NEK7: variants seen among roughly 807,000 people sequenced by gnomAD.
NEK7 encodes NIMA related kinase 7.
Under a neutral mutation model 44.6 loss-of-function variants are expected in NEK7, and 18 were observed. The ratio of observed to expected loss-of-function variants is 0.40; its 90% CI spans 0.28 to 0.60. The LOEUF (loss-of-function observed/expected upper bound fraction) is 0.60. Ranked by LOEUF, NEK7 falls within the 20% of genes least tolerant of loss-of-function variation. NEK7 has a pLI of 0.38. For missense variants in NEK7, 256 were observed against 366.5 expected, an observed-to-expected ratio of 0.70 and a Z score of 2.46; for synonymous variants, 130 against 121.1, an observed-to-expected ratio of 1.07 and a Z score of -0.48.
intron 1 of NEK7, among the ~76,000 whole-genome samples, chr1:198,185,188 CTA>C (rs77570529): frequency 8.8e-6 from 1 of 113,218 alleles, no homozygotes; most frequent in Admixed American, 9.1e-5. Context: ...TACATGCTGT[CTA>C]TTTTTTTTTT....
At chr1:198,186,719 G>C (rs1664936763) in intron 1 of NEK7, among the ~76,000 whole-genome samples, 2 of 152,144 alleles carry the variant, frequency 1.3e-5, no homozygotes, top group Admixed American at 1.3e-4. Flanking sequence ...GCTGTCAGGT[G>C]CTGAGGAAAA....
intron 1 of NEK7, among the ~76,000 whole-genome samples, chr1:198,184,479 A>G (rs553458866): frequency 6.6e-6 from 1 of 152,312 alleles, no homozygotes; most frequent in East Asian, 1.9e-4. Context: ...ACATATTCAT[A>G]TAACTTTCAT....
At chr1:198,276,673 C>T (rs1452264605) in intron 5 of NEK7, among the ~76,000 whole-genome samples, 1 of 151,644 alleles carries the variant, frequency 6.6e-6, no homozygotes, top group African/African-American at 2.4e-5. Flanking sequence ...GATATAATAA[C>T]TATTGAAATT....
Position 198,207,716 on chromosome 1 carries a change from T to C in NEK7, c.-28-24837T>C, listed in dbSNP as rs140103186. On this transcript the variant is annotated intron_variant, in intron 1 of 9. Coordinates refer to ENST00000367385, the MANE Select transcript of NEK7 (RefSeq NM_133494.3). ...ACTGAAAGGACACAGGGGACTTGTA[T>C]GGGCTGATGGAACTGTTCTATATTT... is the stretch of plus-strand genomic sequence containing the variant. 4.4e-3 allele frequency among the ~76,000 whole-genome samples: 663 copies of C among 152,302 alleles called. 5 individuals are homozygous for C. Among genetic ancestry groups the C allele is most frequent in the African/African-American group, 0.015 (643 of 41,588 alleles).
chr1:198,200,651 A>G (rs1485175848), intron 1 of NEK7, among the ~76,000 whole-genome samples: 3 of 151,736 alleles, frequency 2.0e-5, no homozygotes, highest in Admixed American at 1.3e-4. Flanking sequence ...CCTGGCTTCA[A>G]GTGATTCTCC....
intron 2 of NEK7, among the ~76,000 whole-genome samples, chr1:198,251,712 G>T (rs575603901): frequency 6.6e-6 from 1 of 151,404 alleles, no homozygotes; most frequent in African/African-American, 2.4e-5. Context: ...CTGTGGGATC[G>T]GTGGTGATAT....
intron 3 of NEK7, among the ~76,000 whole-genome samples, chr1:198,258,852 A>G (rs927194508): frequency 4.6e-5 from 7 of 152,166 alleles, no homozygotes; most frequent in African/African-American, 1.4e-4. Flanking sequence ...ATATTCTTAC[A>G]AAGTCCATAT....
At chr1:198,165,508 A>G (rs1039573801) in intron 1 of NEK7, among the ~76,000 whole-genome samples, 10 of 152,212 alleles carry the variant, frequency 6.6e-5, no homozygotes, top group African/African-American at 2.2e-4. Flanking sequence ...GTTGGTGACT[A>G]GGTACATTGT....
chr1:198,157,869 T>C (rs928333968), intron 1 of NEK7, among the ~76,000 whole-genome samples: 2 of 151,658 alleles, frequency 1.3e-5, no homozygotes, highest in Non-Finnish European at 2.9e-5. Context: ...GAGAGAGGGA[T>C]TGCGAGGCAA....
At chr1:198,244,036 G>A (rs1666763444) in intron 2 of NEK7, among the ~76,000 whole-genome samples, 1 of 151,924 alleles carries the variant, frequency 6.6e-6, no homozygotes, top group Non-Finnish European at 1.5e-5. Context: ...AAAGATAATA[G>A]CATGAGCTTT....
intron 7 of NEK7, among the ~76,000 whole-genome samples, chr1:198,283,413 G>T (rs1654271762): frequency 6.6e-6 from 1 of 152,012 alleles, no homozygotes; most frequent in Admixed American, 6.6e-5. Flanking sequence ...GAACTCATTA[G>T]CCCATAGAGC....
intron 1 of NEK7, among the ~76,000 whole-genome samples, chr1:198,180,232 G>C (rs1028477276): frequency 2.0e-5 from 3 of 151,056 alleles, no homozygotes; most frequent in Non-Finnish European, 4.4e-5. Context: ...TAAGCATTCA[G>C]TTTGTACTAA....
chr1:198,200,791 T>A (rs1202155131), intron 1 of NEK7, among the ~76,000 whole-genome samples: 1 of 152,212 alleles, frequency 6.6e-6, no homozygotes, highest in African/African-American at 2.4e-5. Flanking sequence ...CCCCAGATGA[T>A]CTGCCTGCCT....
chr1:198,253,134 C>T lies in NEK7; in HGVS notation c.152C>T (p.Ala51Val), dbSNP rs1653132058. The T allele has an allele frequency of 3.1e-6, 5 of 1,611,140 alleles. No individual in the cohort carries two copies. Among genetic ancestry groups the T allele is most frequent in the Non-Finnish European group, 4.2e-6 (5 of 1,177,874 alleles). Residue 51 changes from alanine (A) to valine (V), a missense_variant, in exon 3 of 10, where the codon GCA becomes GTA. By Grantham distance (64) the Ala-to-Val change is moderately conservative (BLOSUM62 0). Around this residue, in one of 3 missense-constraint regions of NEK7, gnomAD observed 96 missense variants for 94.9 expected, o/e 1.01. Transcript: ENST00000367385. ...GGACAATTTAGTGAAGTTTATAGAG[C>T]AGCCTGTCTCTTGGATGGAGTACCA... is the stretch of plus-strand genomic sequence containing the variant. ...GRGQFSEVYR[A>V]ACLLDGVPVA...
intron 9 of NEK7, among the ~76,000 whole-genome samples, chr1:198,310,824 T>A (rs886955207): frequency 1.2e-4 from 18 of 152,098 alleles, no homozygotes; most frequent in Non-Finnish European, 2.2e-4. Context: ...ACTACCATGC[T>A]GTTTTGGTTA....
chr1:198,298,816 T>C lies in NEK7; in HGVS notation c.798+1576T>C, dbSNP rs184966971. Among the ~76,000 whole-genome samples the C allele has an allele frequency of 8.9e-4, 136 of 152,344 alleles. 1 individual carries two copies. The highest frequency in any genetic ancestry group is 3.1e-3 in the African/African-American group (128 of 41,584). ...TTTCACATGGTAGCTGATTAGGAGA[T>C]GCCGAGTGCAGCAGTGAAGCCTCAG... On this transcript the variant is annotated intron_variant, in intron 9 of 9. Transcript: ENST00000367385.
chr1:198,293,707 A>C (rs1422249222), intron 8 of NEK7, among the ~76,000 whole-genome samples: 1 of 151,940 alleles, frequency 6.6e-6, no homozygotes, highest in Non-Finnish European at 1.5e-5. Flanking sequence ...ATCTCAAGCT[A>C]GTGACTTCTG....
At chr1:198,276,034 G>C (rs909259738) in intron 5 of NEK7, among the ~76,000 whole-genome samples, 2 of 151,490 alleles carry the variant, frequency 1.3e-5, no homozygotes, top group African/African-American at 4.8e-5. Context: ...CTTAGACCAG[G>C]TCATTCTGAG....
At chr1:198,266,157 A>T (rs988748969) in intron 5 of NEK7, among the ~76,000 whole-genome samples, 1 of 152,040 alleles carries the variant, frequency 6.6e-6, no homozygotes, top group African/African-American at 2.4e-5. Flanking sequence ...TAATAATTGG[A>T]TTGTTTTCAT....
Sources: allele counts gnomAD v4.1 joint callset (sites outside exome capture counted in the v4.1 genomes callset), GRCh38; gene constraint gnomAD v4.1.1; regional missense constraint gnomAD v4.1.1; transcripts MANE v1.5; gene names NCBI Gene and HGNC (gene_info 2026-07-23, HGNC 2026-07-21).